The following MAP1LC3B2 variants were observed in gnomAD, a reference collection of about 807,000 sequenced individuals.
MAP1LC3B2 encodes microtubule associated protein 1 light chain 3 beta 2.
For missense variants in MAP1LC3B2, 155 were observed against 154.6 expected (o/e 1.00, Z -0.01); for synonymous variants, 62 against 57.8 (o/e 1.07, Z -0.33).
chr12:116,561,714 T>C (rs143780350), intron 1 of MAP1LC3B2, among the ~76,000 whole-genome samples: 2 of 152,350 alleles, frequency 1.3e-5, no homozygotes, highest in East Asian at 3.9e-4. Context: ...ACTAGCTGTG[T>C]GGCCTGGGGT....
At chr12:116,560,006 G>C (rs1041645002) in intron 1 of MAP1LC3B2, 1 of 150,280 alleles carries the variant, frequency 6.7e-6, no homozygotes, top group Non-Finnish European at 1.5e-5. Flanking sequence ...GCACCTTCCA[G>C]AAAAGATGGC....
intron 1 of MAP1LC3B2, among the ~76,000 whole-genome samples, chr12:116,572,897 C>G (rs1869573835): frequency 6.6e-6 from 1 of 152,162 alleles, no homozygotes; most frequent in Non-Finnish European, 1.5e-5. Context: ...GGTCTGGGCC[C>G]TCAGCCTCAA....
chr12:116,574,786 C>T (rs1166801229), intron 1 of MAP1LC3B2, among the ~76,000 whole-genome samples: 1 of 151,470 alleles, frequency 6.6e-6, no homozygotes, highest in Non-Finnish European at 1.5e-5. Context: ...GAACTCCTGA[C>T]CTCAAGTGAT....
rs1485971218 is a variant in MAP1LC3B2, at chr12:116,576,019, A to G, written c.77A>G (p.Gln26Arg). Residue 26 changes from glutamine (Q) to arginine (R), a missense_variant, in exon 2 of 2, where the codon CAG becomes CGG. Physicochemically the swap from Gln to Arg is conservative, Grantham distance 43. Transcript: ENST00000556529. Reference protein sequence around the residue: ...RVEDVRLIREQHPTKIPVIIE... With the variant: ...RVEDVRLIRERHPTKIPVIIE... The stretch of plus-strand genomic sequence containing the variant: ...GAAGATGTCCGACTTATTCGAGAGC[A>G]GCATCCAACCAAAATCCCGGTGATA... 6.2e-7 allele frequency: 1 copy of G among 1,614,242 alleles called. No individual in the cohort carries two copies. Among genetic ancestry groups the G allele is most frequent in the South Asian group, 1.1e-5 (1 of 91,088 alleles).
At chr12:116,565,391 C>T (rs1451629852) in intron 1 of MAP1LC3B2, among the ~76,000 whole-genome samples, 4 of 152,156 alleles carry the variant, frequency 2.6e-5, no homozygotes, top group South Asian at 2.1e-4. Context: ...AGAAACGAAG[C>T]GAAACGGATT....
At chr12:116,560,232 A>ATGTATG (rs1390231974) in intron 1 of MAP1LC3B2, 1 of 60,836 alleles carries the variant, frequency 1.6e-5, no homozygotes, top group African/African-American at 5.6e-5. Flanking sequence ...ATATATATAT[A>ATGTATG]TATATATATG....
rs780878346 is a variant in MAP1LC3B2, at chr12:116,575,926, G to A, written c.-17G>A. On this transcript the variant is annotated 5_prime_UTR_variant, in exon 2 of 2. Coordinates refer to ENST00000556529, the MANE Select transcript of MAP1LC3B2 (RefSeq NM_001085481.3). The stretch of plus-strand genomic sequence containing the variant: ...GGACCCTCGCGTCGTCGCCGCCGCG[G>A]CCCAGATCCCCACACCATGCCGTCG... 3 of 1,613,996 alleles carry A rather than the reference G, an allele frequency of 1.9e-6. No homozygotes were observed. Among genetic ancestry groups the A allele is most frequent in the Non-Finnish European group, 1.7e-6 (2 of 1,179,974 alleles).
intron 1 of MAP1LC3B2, among the ~76,000 whole-genome samples, chr12:116,574,838 A>G (rs1016480546): frequency 6.6e-6 from 1 of 151,810 alleles, no homozygotes; most frequent in Non-Finnish European, 1.5e-5. Context: ...TTACAGGCCT[A>G]TATATTTAAA....
At chr12:116,566,990 C>A (rs1869405353) in intron 1 of MAP1LC3B2, among the ~76,000 whole-genome samples, 1 of 108,618 alleles carries the variant, frequency 9.2e-6, no homozygotes, top group African/African-American at 3.3e-5. Context: ...TTCAAAACTG[C>A]AGGATAAAAC....
intron 1 of MAP1LC3B2, among the ~76,000 whole-genome samples, chr12:116,573,950 A>T (rs1807741152): frequency 6.6e-6 from 1 of 152,248 alleles, no homozygotes; most frequent in African/African-American, 2.4e-5. Context: ...CTCACTTGTC[A>T]GGCAAATGCA....
chr12:116,564,566 C>A (rs775701436), intron 1 of MAP1LC3B2, among the ~76,000 whole-genome samples: 91 of 152,076 alleles, frequency 6.0e-4, no homozygotes, highest in Non-Finnish European at 7.9e-4. Flanking sequence ...TTTGAATGTC[C>A]CCCAGTCCCA....
intron 1 of MAP1LC3B2, among the ~76,000 whole-genome samples, chr12:116,570,857 T>G (rs1262827416): frequency 6.6e-6 from 1 of 152,184 alleles, no homozygotes; most frequent in Non-Finnish European, 1.5e-5. Context: ...CCAGGATGTA[T>G]TAATAAGTCG....
chr12:116,560,988 A>G (rs984048915), intron 1 of MAP1LC3B2, among the ~76,000 whole-genome samples: 7 of 152,082 alleles, frequency 4.6e-5, no homozygotes, highest in African/African-American at 1.7e-4. Context: ...ATGGTAGTGT[A>G]TGCCTGTAGT....
rs201470175 is a variant in MAP1LC3B2 at position 116,575,920 on chromosome 12, G to C, written c.-23G>C. ...CCGCCGGGACCCTCGCGTCGTCGCCGCCGCGGCCCAGATCCCCACACCATG... is the reference window on the plus strand; with the variant it reads ...CCGCCGGGACCCTCGCGTCGTCGCCCCCGCGGCCCAGATCCCCACACCATG... On this transcript the variant is annotated 5_prime_UTR_variant, in exon 2 of 2. Transcript: ENST00000556529. 5 of 1,613,420 alleles carry C rather than the reference G, an allele frequency of 3.1e-6. 1 individual carries two copies. The highest frequency in any genetic ancestry group is 4.2e-6 in the Non-Finnish European group (5 of 1,179,432).
chr12:116,576,107 T>C lies in MAP1LC3B2; in HGVS notation c.165T>C (p.Pro55=). ...PVLDKTKFLV[P]DHVNMSELIK... Reference sequence around the variant, plus strand: ...TGGATAAAACAAAGTTCCTTGTACCTGACCATGTCAACATGAGTGAGCTCA... The same window carrying C: ...TGGATAAAACAAAGTTCCTTGTACCCGACCATGTCAACATGAGTGAGCTCA... The change falls in exon 2 of 2, where the codon CCT becomes CCC. Residue 55 remains proline (P), a synonymous_variant. Transcript: ENST00000556529. 6.2e-7 allele frequency: 1 copy of C among 1,614,242 alleles called. No homozygotes were observed. The highest frequency in any genetic ancestry group is 8.5e-7 in the Non-Finnish European group (1 of 1,180,046).
At chr12:116,562,090 C>T (rs1869286782) in intron 1 of MAP1LC3B2, among the ~76,000 whole-genome samples, 1 of 152,118 alleles carries the variant, frequency 6.6e-6, no homozygotes, top group African/African-American at 2.4e-5. Context: ...CAAATAGTTG[C>T]CGAAACTCGT....
intron 1 of MAP1LC3B2, among the ~76,000 whole-genome samples, chr12:116,574,440 A>G (rs1411809192): frequency 6.6e-6 from 1 of 152,122 alleles, no homozygotes; most frequent in Non-Finnish European, 1.5e-5. Flanking sequence ...CAGGAATTCA[A>G]GAACAACCTG....
At chr12:116,572,461 C>T (rs1198295516) in intron 1 of MAP1LC3B2, among the ~76,000 whole-genome samples, 3 of 151,654 alleles carry the variant, frequency 2.0e-5, no homozygotes, top group East Asian at 1.9e-4. Context: ...GCCTCCCAGG[C>T]CCACACCATT....
intron 1 of MAP1LC3B2, among the ~76,000 whole-genome samples, chr12:116,562,674 T>A (rs533700739): frequency 6.6e-6 from 1 of 152,308 alleles, no homozygotes; most frequent in East Asian, 1.9e-4. Flanking sequence ...ACTATGACAA[T>A]TAACTATGTA....
Sources: allele counts gnomAD v4.1 joint callset (sites outside exome capture counted in the v4.1 genomes callset), GRCh38; gene constraint gnomAD v4.1.1; transcripts MANE v1.5; gene names NCBI Gene and HGNC (gene_info 2026-07-23, HGNC 2026-07-21).